DAB1: variants seen among roughly 807,000 people sequenced by gnomAD.
DAB1 encodes the protein disabled homolog 1.
Under a neutral mutation model 64.6 loss-of-function variants are expected in DAB1, and 15 were observed. The ratio of observed to expected loss-of-function variants is 0.23; its 90% CI spans 0.16 to 0.36. DAB1 has a LOEUF of 0.36. DAB1 is among the 10% of genes least tolerant of loss of function. The pLI, the probability that DAB1 is intolerant of heterozygous loss-of-function variation, is 1.00. For synonymous variants in DAB1, 235 were observed against 251.9 expected (o/e 0.93, Z 0.64); for missense variants, 596 against 706.7 (o/e 0.84, Z 1.78).
In DAB1 at chr1:57,315,649, C is replaced by T. The variant is rs147384236; in HGVS notation, c.-136-24483G>A. On this transcript the variant is annotated intron_variant, in intron 1 of 14. Coordinates refer to ENST00000371236, the MANE Select transcript of DAB1 (RefSeq NM_001365792.1). The stretch of plus-strand genomic sequence containing the variant: ...TCCCGAGTAGCTGGGACTACAAGTG[C>T]CTGCCACCACGCCCAGCTAATTTTT... Among the ~76,000 whole-genome samples, 624 of 152,214 alleles carry T rather than the reference C, an allele frequency of 4.1e-3. 6 individuals are homozygous for T. The highest frequency in any genetic ancestry group is 0.014 in the African/African-American group (597 of 41,524).
chr1:57,986,252 G>A (rs1015571554), intron 5 of DAB1, among the ~76,000 whole-genome samples: 6 of 152,152 alleles, frequency 3.9e-5, no homozygotes, highest in African/African-American at 1.4e-4. Flanking sequence ...TAACCCCTGA[G>A]GTGATGGTAT....
At chr1:58,030,415 C>G (rs1557617153) in intron 5 of DAB1, among the ~76,000 whole-genome samples, 1 of 152,118 alleles carries the variant, frequency 6.6e-6, no homozygotes, top group East Asian at 1.9e-4. Context: ...AGGAGGCAAA[C>G]AGTACAATGA....
intron 2 of DAB1, among the ~76,000 whole-genome samples, chr1:57,175,203 T>C (rs1662173079): frequency 6.6e-6 from 1 of 152,156 alleles, no homozygotes; most frequent in African/African-American, 2.4e-5. Flanking sequence ...TCAAGAAAAG[T>C]CCTTATGCTA....
At chr1:57,603,950 A>C (rs1277761390) in intron 7 of DAB1, among the ~76,000 whole-genome samples, 1 of 152,228 alleles carries the variant, frequency 6.6e-6, no homozygotes, top group South Asian at 2.1e-4. Context: ...TCATTCCCAA[A>C]TCCCTCTATG....
chr1:58,093,728 G>A (rs1468053534), intron 5 of DAB1, among the ~76,000 whole-genome samples: 3 of 151,560 alleles, frequency 2.0e-5, no homozygotes, highest in Non-Finnish European at 4.4e-5. Flanking sequence ...TGGAGACAAA[G>A]TCCAAAGTCT....
At chr1:57,995,817 T>G (rs1646416050) in intron 5 of DAB1, among the ~76,000 whole-genome samples, 1 of 151,364 alleles carries the variant, frequency 6.6e-6, no homozygotes, top group Non-Finnish European at 1.5e-5. Context: ...GAGTCTCAGG[T>G]TTCTCAGAAA....
At chr1:57,816,232 C>T (rs576730366) in intron 6 of DAB1, among the ~76,000 whole-genome samples, 1 of 152,330 alleles carries the variant, frequency 6.6e-6, no homozygotes, top group East Asian at 1.9e-4. Flanking sequence ...CTGATTTCGG[C>T]TCTACCTTAA....
chr1:58,034,154 ACT>A (rs1647010467), intron 5 of DAB1, among the ~76,000 whole-genome samples: 1 of 152,092 alleles, frequency 6.6e-6, no homozygotes, highest in Admixed American at 6.6e-5. Flanking sequence ...GCTAGCAGTC[ACT>A]CTCTCACTCT....
intron 7 of DAB1, among the ~76,000 whole-genome samples, chr1:57,557,039 T>A (rs985634597): frequency 9.9e-5 from 15 of 152,258 alleles, no homozygotes; most frequent in Non-Finnish European, 7.4e-5. Flanking sequence ...TGGTTAATAA[T>A]GAGTGTCAAC....
chr1:58,482,799 GT>G (rs1447708514), intron 3 of DAB1, among the ~76,000 whole-genome samples: 3 of 152,266 alleles, frequency 2.0e-5, no homozygotes, highest in African/African-American at 7.2e-5. Flanking sequence ...TGCCTGGGGT[GT>G]TTTGGAACAG....
At chr1:57,524,167 G>T (rs1379590904) in intron 7 of DAB1, among the ~76,000 whole-genome samples, 2 of 152,002 alleles carry the variant, frequency 1.3e-5, no homozygotes, top group African/African-American at 4.8e-5. Flanking sequence ...GTGGGGGAAG[G>T]TGAAGGGAAA....
chr1:58,028,619 T>C (rs1646929284), intron 5 of DAB1, among the ~76,000 whole-genome samples: 1 of 152,224 alleles, frequency 6.6e-6, no homozygotes, highest in Non-Finnish European at 1.5e-5. Flanking sequence ...AACATCACTT[T>C]GTACAACCTC....
chr1:57,517,899 C>T (rs1298818603), intron 7 of DAB1, among the ~76,000 whole-genome samples: 1 of 152,198 alleles, frequency 6.6e-6, no homozygotes, highest in Non-Finnish European at 1.5e-5. Context: ...ACTTAAAGGC[C>T]TTAAAGGCCA....
intron 2 of DAB1, among the ~76,000 whole-genome samples, chr1:57,174,982 A>G (rs1662146603): frequency 6.6e-6 from 1 of 152,186 alleles, no homozygotes; most frequent in Non-Finnish European, 1.5e-5. Flanking sequence ...TTAAAAGGGT[A>G]ACTTGTTAAA....
intron 6 of DAB1, among the ~76,000 whole-genome samples, chr1:57,739,281 G>C (rs2101786800): frequency 6.6e-6 from 1 of 152,066 alleles, no homozygotes; most frequent in East Asian, 1.9e-4. Flanking sequence ...GTGTGAACCT[G>C]ACTTCACACC....
At chr1:58,518,225 G>A (rs528730119) in intron 2 of DAB1, among the ~76,000 whole-genome samples, 3 of 4,694 alleles carry the variant, frequency 6.4e-4, no homozygotes, top group African/African-American at 2.9e-3. Flanking sequence ...AGGGGAGAGG[G>A]GAGAGGGGAG....
intron 2 of DAB1, among the ~76,000 whole-genome samples, chr1:57,223,627 T>A (rs547217039): frequency 7.2e-5 from 11 of 152,320 alleles, no homozygotes; most frequent in Admixed American, 2.0e-4. Context: ...GGGCAGGCAC[T>A]AGGTGGAAGC....
At position 56,997,755 on chromosome 1, in the gene DAB1, C is replaced by T. The variant is rs1250041909; in HGVS notation, c.*389G>A. The T allele has an allele frequency of 6.6e-6, 1 of 152,160 alleles. No homozygotes were observed. The highest frequency in any genetic ancestry group is 1.5e-5 in the Non-Finnish European group (1 of 68,032). 9.4% of individuals were successfully genotyped at this position (152,160 alleles called of 1,614,324 possible). A position where few individuals can be genotyped will look rare whatever the true frequency, so the allele number is the denominator to read the frequency against. On this transcript the variant is annotated 3_prime_UTR_variant, in exon 15 of 15. Coordinates refer to ENST00000371236, the MANE Select transcript of DAB1 (RefSeq NM_001365792.1). ...TGTCACTCCAAATTTGGTGTCTCAACAGTGGTCAACAGGTAGAGAAATAAA... is the reference window on the plus strand; with the variant it reads ...TGTCACTCCAAATTTGGTGTCTCAATAGTGGTCAACAGGTAGAGAAATAAA...
intron 3 of DAB1, chr1:58,474,032 T>G: frequency 1.3e-6 from 1 of 775,918 alleles, no homozygotes; most frequent in South Asian, 1.4e-5. Flanking sequence ...AACTTCTACT[T>G]CATGGTGGCT....
Sources: allele counts gnomAD v4.1 joint callset (sites outside exome capture counted in the v4.1 genomes callset), GRCh38; gene constraint gnomAD v4.1.1; transcripts MANE v1.5; gene names NCBI Gene and HGNC (gene_info 2026-07-23, HGNC 2026-07-21).